The following CNTNAP2 variants were observed in gnomAD, a reference collection of about 807,000 sequenced individuals.
CNTNAP2 encodes contactin associated protein 2.
A neutral mutation model predicts 155.2 loss-of-function variants in CNTNAP2; 98 were observed. The observed-to-expected ratio is 0.63, with a 90% CI of 0.54 to 0.75. The LOEUF is 0.75. Among genes scored for constraint, CNTNAP2 ranks in the 30% least tolerant of loss-of-function variants. The pLI, the probability that CNTNAP2 is intolerant of heterozygous loss-of-function variation, is 0.00. For synonymous variants in CNTNAP2, 651 were observed against 631.2 expected (o/e 1.03, Z -0.47); for missense variants, 1,727 against 1,688.1 (o/e 1.02, Z -0.40).
In CNTNAP2 at chr7:148,035,984, C is replaced by A. The variant is rs543759509; in HGVS notation, c.2383+57995C>A. Among the ~76,000 whole-genome samples, 22 of 152,276 alleles carry A rather than the reference C, an allele frequency of 1.4e-4. No individual in the cohort carries two copies. The South Asian group carries it at 3.7e-3, about 26-fold the overall frequency. On this transcript the variant is annotated intron_variant, in intron 15 of 23. Transcript: ENST00000361727. ...TTTGGACTTACCTGAGACCAGCTAC[C>A]CCTTTTTCCCTGCTTATTCGTCCTT...
intron 15 of CNTNAP2, among the ~76,000 whole-genome samples, chr7:148,015,943 A>C (rs895446005): frequency 6.6e-6 from 1 of 152,190 alleles, no homozygotes; most frequent in Non-Finnish European, 1.5e-5. Flanking sequence ...AACTCCCTTT[A>C]TCCAAATCCA....
intron 14 of CNTNAP2, among the ~76,000 whole-genome samples, chr7:147,921,785 G>A (rs1365655960): frequency 6.6e-6 from 1 of 152,166 alleles, no homozygotes; most frequent in Admixed American, 6.5e-5. Flanking sequence ...AAGTTTATAA[G>A]CCTCATGAAC....
At chr7:148,068,498 G>A (rs1174074315) in intron 15 of CNTNAP2, among the ~76,000 whole-genome samples, 2 of 152,166 alleles carry the variant, frequency 1.3e-5, no homozygotes, top group East Asian at 1.9e-4. Flanking sequence ...CCCTCCTCAC[G>A]CTTTGGGCAC....
chr7:146,123,909 C>T (rs952340295), intron 1 of CNTNAP2, among the ~76,000 whole-genome samples: 7 of 152,154 alleles, frequency 4.6e-5, no homozygotes, highest in Admixed American at 2.6e-4. Flanking sequence ...CCATGGAATA[C>T]TATGCAGCCA....
At chr7:146,220,523 G>T (rs1441839353) in intron 1 of CNTNAP2, among the ~76,000 whole-genome samples, 1 of 151,972 alleles carries the variant, frequency 6.6e-6, no homozygotes, top group African/African-American at 2.4e-5. Flanking sequence ...AATTGTACTA[G>T]TATAGAAAGC....
chr7:148,247,595 T>TTC (rs140317251), intron 20 of CNTNAP2, among the ~76,000 whole-genome samples: 8,106 of 132,240 alleles, frequency 0.061, 511 homozygotes, highest in African/African-American at 0.12. Flanking sequence ...GCTTCTCCCA[T>TTC]TCTCTCTCTC....
At chr7:146,504,455 G>C (rs1406683561) in intron 1 of CNTNAP2, among the ~76,000 whole-genome samples, 1 of 152,180 alleles carries the variant, frequency 6.6e-6, no homozygotes, top group Non-Finnish European at 1.5e-5. Context: ...AAACAGCACA[G>C]ATGCCACCTT....
At chr7:146,478,837 A>G (rs1796917977) in intron 1 of CNTNAP2, among the ~76,000 whole-genome samples, 1 of 152,158 alleles carries the variant, frequency 6.6e-6, no homozygotes, top group South Asian at 2.1e-4. Flanking sequence ...TTTTCTATTA[A>G]CATGTAGTTT....
rs554073106 is a variant in CNTNAP2 at position 146,733,943 on chromosome 7, C to T, written c.98-40328C>T. ...TCTCTATAAAACATAAACCCATCTC[C>T]TTACCCTCTCTTCATTTAGCATTTA... On this transcript the variant is annotated intron_variant, in intron 1 of 23. Transcript: ENST00000361727. Among the ~76,000 whole-genome samples the T allele has an allele frequency of 2.0e-5, 3 of 152,202 alleles. No homozygotes were observed. The East Asian group carries it at 5.8e-4, about 29-fold the overall frequency.
chr7:148,009,061 T>A (rs373503603), intron 15 of CNTNAP2, among the ~76,000 whole-genome samples: 2 of 152,344 alleles, frequency 1.3e-5, no homozygotes, highest in East Asian at 3.9e-4. Flanking sequence ...TACTTCTGAA[T>A]GCACAATGAG....
At chr7:148,089,370 G>C (rs1302328272) in intron 15 of CNTNAP2, among the ~76,000 whole-genome samples, 1 of 151,918 alleles carries the variant, frequency 6.6e-6, no homozygotes, top group African/African-American at 2.4e-5. Flanking sequence ...AATTGTCTCT[G>C]TTTGCAGATG....
Position 146,470,775 on chromosome 7 carries a change from G to A in CNTNAP2, c.98-303496G>A, listed in dbSNP as rs1478102740. Among the ~76,000 whole-genome samples, 5 of 151,830 alleles carry A rather than the reference G, an allele frequency of 3.3e-5. No individual in the cohort carries two copies. The East Asian group carries it at 5.8e-4, about 18-fold the overall frequency. Reference sequence around the variant, plus strand: ...AGTAGATACAGGGTTTCACCATGTCGGCCAGGATGGTCTTGAGCTCCTGAC... The same window carrying A: ...AGTAGATACAGGGTTTCACCATGTCAGCCAGGATGGTCTTGAGCTCCTGAC... On this transcript the variant is annotated intron_variant, in intron 1 of 23. Transcript: ENST00000361727.
At chr7:147,060,526 T>C (rs533595606) in intron 4 of CNTNAP2, among the ~76,000 whole-genome samples, 1 of 151,932 alleles carries the variant, frequency 6.6e-6, no homozygotes, top group Non-Finnish European at 1.5e-5. Context: ...ATCGAGACCA[T>C]CCTGGCAAAC....
chr7:147,759,003 A>G (rs568018325), intron 13 of CNTNAP2, among the ~76,000 whole-genome samples: 3 of 152,280 alleles, frequency 2.0e-5, no homozygotes, highest in South Asian at 4.1e-4. Flanking sequence ...TCTCAAGGTA[A>G]TAAGGTATAT....
intron 2 of CNTNAP2, among the ~76,000 whole-genome samples, chr7:146,834,919 T>C (rs926576204): frequency 3.9e-5 from 6 of 152,056 alleles, no homozygotes; most frequent in African/African-American, 1.2e-4. Flanking sequence ...GTAATAAACT[T>C]CCCCGAATTG....
intron 14 of CNTNAP2, among the ~76,000 whole-genome samples, chr7:147,976,596 T>G (rs916403519): frequency 6.6e-6 from 1 of 152,208 alleles, no homozygotes; most frequent in African/African-American, 2.4e-5. Flanking sequence ...ATGCATTTAT[T>G]TGAGGCCAAC....
chr7:147,986,268 C>A (rs1266871422), intron 15 of CNTNAP2, among the ~76,000 whole-genome samples: 1 of 152,158 alleles, frequency 6.6e-6, no homozygotes, highest in Non-Finnish European at 1.5e-5. Flanking sequence ...TGGTCTTCAG[C>A]CCTCATGCTT....
chr7:146,167,296 C>A (rs559487044), intron 1 of CNTNAP2, among the ~76,000 whole-genome samples: 3 of 152,208 alleles, frequency 2.0e-5, no homozygotes, highest in African/African-American at 4.8e-5. Flanking sequence ...TTACAGTGGA[C>A]CCATGTTAAG....
At chr7:146,274,989 CT>C (rs1248913781) in intron 1 of CNTNAP2, among the ~76,000 whole-genome samples, 1 of 152,136 alleles carries the variant, frequency 6.6e-6, no homozygotes, top group Non-Finnish European at 1.5e-5. Context: ...GATGATTTGG[CT>C]TTTGGCACTT....
Sources: gnomAD v4.1 joint callset for allele counts (sites outside exome capture counted in the v4.1 genomes callset) on GRCh38, gnomAD v4.1.1 for gene constraint, MANE v1.5 for transcripts, NCBI Gene and HGNC (gene_info 2026-07-23, HGNC 2026-07-21) for gene names.